Variants in GGN observed in about 807,000 individuals in gnomAD.
GGN encodes gametogenetin.
Under a neutral mutation model 35.5 loss-of-function variants are expected in GGN, and 27 were observed. The ratio of observed to expected loss-of-function variants is 0.76; its 90% CI spans 0.56 to 1.05. The LOEUF (loss-of-function observed/expected upper bound fraction) is 1.05, where lower values mean the gene tolerates loss of function less well. Among genes scored for constraint, GGN ranks in the 50% least tolerant of loss-of-function variants. The probability of loss-of-function intolerance (pLI) is 0.00; values close to 1 mark genes in which losing one functional copy is unlikely to be tolerated. For missense variants in GGN, 1,006 were observed against 940.7 expected (o/e 1.07, Z -0.91); for synonymous variants, 425 against 444.1 (o/e 0.96, Z 0.54).
chr19:38,384,621 G>A, intron 3 of GGN, 92 bp from the exon 4 acceptor site: 1 of 881,824 alleles, frequency 1.1e-6, no homozygotes. Context: ...GAATAGGGAA[G>A]CTTCTGAAGG....
In GGN at chr19:38,387,482, TAAG is replaced by T. The variant is rs1276004164; in HGVS notation, c.-19-205_-19-203del. The stretch of plus-strand genomic sequence containing the variant: ...CCCATGTCCCCAACACAGCTGCTGT[TAAG>T]ATACTTCACTACCAGCCCCATTATG... On this transcript the variant is annotated intron_variant, in intron 2 of 3. Transcript: ENST00000334928. This position sits in a 1 kb window ranked among gnomAD's most constrained non-coding sequence, Gnocchi z 5.3. Among the ~76,000 whole-genome samples, 2 of 152,098 alleles carry T rather than the reference TAAG, an allele frequency of 1.3e-5. No individual in the cohort carries two copies. Among genetic ancestry groups the T allele is most frequent in the African/African-American group, 4.8e-5 (2 of 41,408 alleles).
chr19:38,386,203 C>T lies in GGN; in HGVS notation c.1059G>A (p.Trp353Ter). 6.2e-7 allele frequency: 1 copy of T among 1,605,176 alleles called. No homozygotes were observed. The highest frequency in any genetic ancestry group is 8.5e-7 in the Non-Finnish European group (1 of 1,179,088). Residue 353 changes from tryptophan (W) to a stop codon, truncating the protein, a stop_gained, in exon 3 of 4, where the codon TGG (tryptophan) becomes TGA (stop). Transcript: ENST00000334928. LOFTEE classifies it high-confidence loss of function. ...GTTCAGGGCCGTCGGGAGCGCTAAC[C>T]CAGTCGAATTTGGGCTTCGAGCCTG... The part of the protein sequence containing the change: ...TFPGSKPKFD[W>*]VSAPDGPERH...
At position 38,385,489 on chromosome 19, in the gene GGN, G is replaced by A. The variant is rs1225135341; in HGVS notation, c.1773C>T (p.Ser591=). 24 of 1,613,996 alleles carry A rather than the reference G, an allele frequency of 1.5e-5. No homozygotes were observed. The highest frequency in any genetic ancestry group is 2.0e-5 in the Non-Finnish European group (24 of 1,180,036). ...RHWLPFQVLN[S]CPCKCYCHHQ... ...GGTGGCAGTAACACTTGCAGGGACAGGAGTTAAGCACCTGGAAGGGCAGCC... is the reference window on the plus strand; with the variant it reads ...GGTGGCAGTAACACTTGCAGGGACAAGAGTTAAGCACCTGGAAGGGCAGCC... Residue 591 remains serine, a synonymous_variant, in exon 3 of 4, where the codon TCC becomes TCT. Transcript: ENST00000334928.
At position 38,386,676 on chromosome 19, in the gene GGN, C is replaced by T. The variant is rs748092486; in HGVS notation, c.586G>A (p.Ala196Thr). ...RRITPALATP[A>T]SPPTESQAGP... is the part of the protein sequence containing the mutation. ...GCCTGGCTTTCTGTCGGGGGTGAGG[C>T]GGGTGTGGCCAGAGCAGGAGTGATT... The change falls in exon 3 of 4, where the codon GCC becomes ACC. Residue 196 changes from alanine to threonine, a missense_variant. Ala to Thr is a moderately conservative substitution (Grantham distance 58). Transcript: ENST00000334928. 8.1e-6 allele frequency: 13 copies of T among 1,609,988 alleles called. No homozygotes were observed. The highest frequency in any genetic ancestry group is 1.7e-5 in the Admixed American group (1 of 59,730).
Position 38,387,081 on chromosome 19 carries a change from T to C in GGN, c.181A>G (p.Met61Val). The C allele has an allele frequency of 6.4e-7, 1 of 1,558,206 alleles. No homozygotes were observed. Among genetic ancestry groups the C allele is most frequent in the Non-Finnish European group, 8.7e-7 (1 of 1,150,798 alleles). Residue 61 changes from methionine to valine, a missense_variant, in exon 3 of 4, where the codon ATG becomes GTG. Met to Val is a conservative substitution (Grantham distance 21). Coordinates refer to ENST00000334928, the MANE Select transcript of GGN (RefSeq NM_152657.4). The surrounding 1 kb of genome is among the most constrained non-coding windows in gnomAD (Gnocchi z 5.3). ...GAGGCCTGGGGCTCCCGGGGTACCA[T>C]GAGTCCCGGGGGTGTGGCGCTGCCA... ...FPGSATPPGLMVPREPQASPS... is the reference protein window; with the variant it reads ...FPGSATPPGLVVPREPQASPS...
At position 38,385,780 on chromosome 19, in the gene GGN, C is replaced by T. The variant is rs750687301; in HGVS notation, c.1482G>A (p.Pro494=). 3.1e-5 allele frequency: 48 copies of T among 1,563,930 alleles called. No individual in the cohort carries two copies. Among genetic ancestry groups the T allele is most frequent in the Non-Finnish European group, 3.3e-5 (38 of 1,159,548 alleles). ...TGGGAGCTGGAGCCGGGGATGGGGCCGGGGCCTGGTCGGCGGCTAAGGCTG... is the reference window on the plus strand; with the variant it reads ...TGGGAGCTGGAGCCGGGGATGGGGCTGGGGCCTGGTCGGCGGCTAAGGCTG... ...LPPALAADQA[P]APSPAPAPTV... The change falls in exon 3 of 4, where the codon CCG becomes CCA. Residue 494 remains proline, a synonymous_variant. Transcript: ENST00000334928.
chr19:38,388,334 T>C, upstream of GGN: 3 of 394,092 alleles, frequency 7.6e-6, no homozygotes, highest in Non-Finnish European at 1.3e-5. Flanking sequence ...AACCTCCTTA[T>C]ACCCAGGCCC....
In GGN at chr19:38,386,129, C is replaced by T. The variant is rs373355664; in HGVS notation, c.1133G>A (p.Arg378Gln). Residue 378 changes from arginine to glutamine, a missense_variant, in exon 3 of 4, where the codon CGG (arginine) becomes CAG (glutamine). Transcript: ENST00000334928. ...AGGCCCAGAGAGTGCGGCCGCACGC[C>T]GTCGCGGCGCCCCGATGCCTCCGCC... ...GAGGGIGAPR[R>Q]RAAALSGPWG... 2.3e-5 allele frequency: 36 copies of T among 1,580,608 alleles called. 1 individual carries two copies. Among genetic ancestry groups the T allele is most frequent in the Non-Finnish European group, 2.7e-5 (32 of 1,167,890 alleles).
Position 38,387,332 on chromosome 19 carries a change from C to T in GGN, c.-19-52G>A, listed in dbSNP as rs1005241620. 3 of 1,490,064 alleles carry T rather than the reference C, an allele frequency of 2.0e-6. No homozygotes were observed. Among genetic ancestry groups the T allele is most frequent in the East Asian group, 2.5e-5 (1 of 40,480 alleles). The allele number at this position is 1,490,064 out of a possible 1,614,324, so 92.3% of individuals were successfully genotyped here. On this transcript the variant is annotated intron_variant, in intron 2 of 3. Coordinates refer to ENST00000334928, the MANE Select transcript of GGN (RefSeq NM_152657.4). This position sits in a 1 kb window ranked among gnomAD's most constrained non-coding sequence, Gnocchi z 5.3. ...GCCTGCCAGGGCCGTGGGGACCCTA[C>T]GAGGCTGGCTGTACTTGATCTAATG... is the stretch of plus-strand genomic sequence containing the variant.
Position 38,385,970 on chromosome 19 carries a change from G to A in GGN, c.1292C>T (p.Pro431Leu), listed in dbSNP as rs1270206688. The A allele has an allele frequency of 1.8e-5, 29 of 1,604,218 alleles. No individual in the cohort carries two copies. Among genetic ancestry groups the A allele is most frequent in the Non-Finnish European group, 2.4e-5 (28 of 1,175,808 alleles). Residue 431 changes from proline (P) to leucine (L), a missense_variant, in exon 3 of 4, where the codon CCT becomes CTT. By Grantham distance (98) the Pro-to-Leu change is moderately conservative. Coordinates refer to ENST00000334928, the MANE Select transcript of GGN (RefSeq NM_152657.4). ...CGGTGGTAACTCCTGCAGGCCTGGAGGCCCCGGGCGCATGGGCTCGCCATT... is the reference window on the plus strand; with the variant it reads ...CGGTGGTAACTCCTGCAGGCCTGGAAGCCCCGGGCGCATGGGCTCGCCATT... ...PTNGEPMRPG[P>L]PGLQELPPLP...
In GGN at chr19:38,387,074, G is replaced by A. The variant is rs1333434597; in HGVS notation, c.188C>T (p.Pro63Leu). ...CGAGGGTGAGGCCTGGGGCTCCCGG[G>A]GTACCATGAGTCCCGGGGGTGTGGC... ...GSATPPGLMV[P>L]REPQASPSTL... The change falls in exon 3 of 4, where the codon CCC (proline) becomes CTC (leucine). Residue 63 changes from proline to leucine, a missense_variant. By Grantham distance (98) the Pro-to-Leu change is moderately conservative. Coordinates refer to ENST00000334928, the MANE Select transcript of GGN (RefSeq NM_152657.4). The surrounding 1 kb of genome is among the most constrained non-coding windows in gnomAD (Gnocchi z 5.3). 1 of 1,557,908 alleles carries A rather than the reference G, an allele frequency of 6.4e-7. No individual in the cohort carries two copies. Among genetic ancestry groups the A allele is most frequent in the Non-Finnish European group, 8.7e-7 (1 of 1,150,612 alleles).
chr19:38,385,875 G>A lies in GGN; in HGVS notation c.1387C>T (p.Pro463Ser). 6.5e-7 allele frequency: 1 copy of A among 1,548,064 alleles called. No homozygotes were observed. The highest frequency in any genetic ancestry group is 8.7e-7 in the Non-Finnish European group (1 of 1,149,358). The change falls in exon 3 of 4, where the codon CCC becomes TCC. Residue 463 changes from proline to serine, a missense_variant. Coordinates refer to ENST00000334928, the MANE Select transcript of GGN (RefSeq NM_152657.4). ...TGGCCCAGACCCGGGGTGAGCGGGG[G>A]AGCCACCGGCAGCGGCGTTGGCTGG... ...ALQPTPLPVA[P>S]PLTPGLGHKE...
chr19:38,388,375 T>A (rs1970769872), upstream of GGN: 1 of 391,262 alleles, frequency 2.6e-6, no homozygotes, highest in Non-Finnish European at 4.5e-6. Flanking sequence ...AAGGCTCCCC[T>A]CTCGCCCCAC....
At position 38,385,456 on chromosome 19, in the gene GGN, T is replaced by C; in HGVS notation, c.1806A>G (p.Pro602=). Residue 602 remains proline (P), a synonymous_variant, in exon 3 of 4, where the codon CCA becomes CCG. Transcript: ENST00000334928. ...CPCKCYCHHQ[P]RHRRLPRNVS... ...CGTTGCGTGGCAGGCGGCGATGGCG[T>C]GGCTGGTGGTGGCAGTAACACTTGC... The C allele has an allele frequency of 6.2e-7, 1 of 1,614,104 alleles. No individual in the cohort carries two copies.
At position 38,385,539 on chromosome 19, in the gene GGN, C is replaced by T. The variant is rs569509632; in HGVS notation, c.1723G>A (p.Ala575Thr). Residue 575 changes from alanine to threonine, a missense_variant, in exon 3 of 4, where the codon GCT becomes ACT. Coordinates refer to ENST00000334928, the MANE Select transcript of GGN (RefSeq NM_152657.4). The part of the protein sequence containing the change: ...GGSGASQTGA[A>T]NTRAARHWLP... ...CAGTGGCGCGCAGCGCGGGTGTTAG[C>T]TGCCCCAGTCTGAGAGGCCCCGCTG... is the stretch of plus-strand genomic sequence containing the variant. The T allele has an allele frequency of 1.2e-6, 2 of 1,614,100 alleles. No individual in the cohort carries two copies. The highest frequency in any genetic ancestry group is 1.3e-5 in the African/African-American group (1 of 75,074).
Position 38,384,274 on chromosome 19 carries a change from C to T in GGN, c.*138G>A, listed in dbSNP as rs1243587899. 5.7e-6 allele frequency: 4 copies of T among 701,198 alleles called. No homozygotes were observed. The highest frequency in any genetic ancestry group is 2.5e-5 in the East Asian group (1 of 40,110). 43.4% of individuals were successfully genotyped at this position (701,198 alleles called of 1,614,324 possible). On this transcript the variant is annotated 3_prime_UTR_variant, in exon 4 of 4. Coordinates refer to ENST00000334928, the MANE Select transcript of GGN (RefSeq NM_152657.4). The stretch of plus-strand genomic sequence containing the variant: ...TCTGGTCCAGCTTCACGATTGTTTC[C>T]AAGATGTGCTTTAATGGCGATCCTG...
In GGN at chr19:38,385,488, A is replaced by G; in HGVS notation, c.1774T>C (p.Cys592Arg). The G allele has an allele frequency of 3.1e-6, 5 of 1,614,078 alleles. No homozygotes were observed. The highest frequency in any genetic ancestry group is 4.2e-6 in the Non-Finnish European group (5 of 1,180,020). ...TGGTGGCAGTAACACTTGCAGGGAC[A>G]GGAGTTAAGCACCTGGAAGGGCAGC... Reference protein sequence around the residue: ...HWLPFQVLNSCPCKCYCHHQP... With the variant: ...HWLPFQVLNSRPCKCYCHHQP... The change falls in exon 3 of 4, where the codon TGT becomes CGT. Residue 592 changes from cysteine to arginine, a missense_variant. Physicochemically the swap from Cys to Arg is radical, Grantham distance 180. Transcript: ENST00000334928.
chr19:38,384,334 A>G lies in GGN; in HGVS notation c.*78T>C. The G allele has an allele frequency of 9.4e-7, 1 of 1,067,610 alleles. No homozygotes were observed. Among genetic ancestry groups the G allele is most frequent in the Admixed American group, 1.8e-5 (1 of 57,120 alleles). 66.1% of individuals were successfully genotyped at this position (1,067,610 alleles called of 1,614,324 possible). A position where few individuals can be genotyped will look rare whatever the true frequency, so the allele number is the denominator to read the frequency against. ...ACCCTACCCACTGCCTTGGCGAGTGATTGACAGGCTGCTGGCATCTGGATT... is the reference window on the plus strand; with the variant it reads ...ACCCTACCCACTGCCTTGGCGAGTGGTTGACAGGCTGCTGGCATCTGGATT... On this transcript the variant is annotated 3_prime_UTR_variant, in exon 4 of 4. Coordinates refer to ENST00000334928, the MANE Select transcript of GGN (RefSeq NM_152657.4).
At position 38,385,476 on chromosome 19, in the gene GGN, A is replaced by C. The variant is rs745318566; in HGVS notation, c.1786T>G (p.Cys596Gly). Residue 596 changes from cysteine to glycine, a missense_variant, in exon 3 of 4, where the codon TGT (cysteine) becomes GGT (glycine). Coordinates refer to ENST00000334928, the MANE Select transcript of GGN (RefSeq NM_152657.4). Reference sequence around the variant, plus strand: ...TGGCGTGGCTGGTGGTGGCAGTAACACTTGCAGGGACAGGAGTTAAGCACC... The same window carrying C: ...TGGCGTGGCTGGTGGTGGCAGTAACCCTTGCAGGGACAGGAGTTAAGCACC... The part of the protein sequence containing the change: ...FQVLNSCPCK[C>G]YCHHQPRHRR... The C allele has an allele frequency of 6.2e-7, 1 of 1,614,010 alleles. No homozygotes were observed. The highest frequency in any genetic ancestry group is 1.1e-5 in the South Asian group (1 of 91,082).
Sources: allele counts gnomAD v4.1 joint callset (sites outside exome capture counted in the v4.1 genomes callset), GRCh38; gene constraint gnomAD v4.1.1; non-coding constraint Gnocchi (gnomAD v3.1); transcripts MANE v1.5; gene names NCBI Gene and HGNC (gene_info 2026-07-23, HGNC 2026-07-21).